The following SAP130 variants were observed in gnomAD, a reference collection of about 807,000 sequenced individuals.
The protein encoded by SAP130 is Sin3A associated protein 130.
SAP130 carries 16 observed loss-of-function variants against 103.2 expected under a neutral mutation model. That is an observed-to-expected ratio of 0.16 (90% confidence interval 0.10 to 0.24). The LOEUF is 0.24. Ranked by LOEUF, SAP130 falls within the 10% of genes least tolerant of loss-of-function variation. SAP130 has a pLI of 1.00. For missense variants in SAP130, 990 were observed against 1,359.7 expected (o/e 0.73, Z 4.28); for synonymous variants, 477 against 497.0 (o/e 0.96, Z 0.53).
Position 127,961,402 on chromosome 2 carries a change from C to T in SAP130, c.2064-6058G>A, listed in dbSNP as rs185336511. ...AGCTCAACTGATCCTCCCATCTTGG[C>T]CTCCCAAAATGCTGAGATTACAAGT... On this transcript the variant is annotated intron_variant, in intron 15 of 20. Transcript: ENST00000643581. Among the ~76,000 whole-genome samples, 50 of 151,884 alleles carry T rather than the reference C, an allele frequency of 3.3e-4. 1 individual carries two copies. The South Asian group carries it at 6.2e-3, about 19-fold the overall frequency.
intron 15 of SAP130, among the ~76,000 whole-genome samples, chr2:127,977,515 A>C (rs912251781): frequency 4.0e-5 from 6 of 151,812 alleles, no homozygotes; most frequent in Non-Finnish European, 7.4e-5. Context: ...CAGAAAAAAC[A>C]AAAATAAATA....
At chr2:127,993,535 A>G (rs1309306389) in intron 11 of SAP130, among the ~76,000 whole-genome samples, 1 of 152,174 alleles carries the variant, frequency 6.6e-6, no homozygotes, top group Non-Finnish European at 1.5e-5. Flanking sequence ...GTAAAAACAT[A>G]GATAATATTC....
intron 1 of SAP130, chr2:128,026,951 C>A (rs909093125): frequency 8.0e-6 from 6 of 746,706 alleles, no homozygotes; most frequent in Non-Finnish European, 1.1e-5. Flanking sequence ...CCCGCAACCC[C>A]ACCCCACCGC....
chr2:127,941,941 AC>A lies in SAP130; in HGVS notation c.*64del. Reference sequence around the variant, plus strand: ...ATGTTCCACTTTGGAAAAAACCAAAACCCTCCCCCCACCCCCACCATCATTC... The same window carrying A: ...ATGTTCCACTTTGGAAAAAACCAAAACCTCCCCCCACCCCCACCATCATTC... On this transcript the variant is annotated 3_prime_UTR_variant, in exon 21 of 21. Transcript: ENST00000643581. 3.6e-6 allele frequency: 1 copy of A among 276,728 alleles called. No homozygotes were observed. The highest frequency in any genetic ancestry group is 6.9e-6 in the Non-Finnish European group (1 of 145,390). 17.1% of individuals were successfully genotyped at this position (276,728 alleles called of 1,614,324 possible).
chr2:127,983,172 C>T (rs1314873881), intron 14 of SAP130, among the ~76,000 whole-genome samples: 1 of 152,200 alleles, frequency 6.6e-6, no homozygotes, highest in Admixed American at 6.5e-5. Context: ...TCTAACTTGA[C>T]TCTGCGCCTC....
rs1278062577 is a variant in SAP130 at position 127,989,102 on chromosome 2, C to CTT, written c.1780+460_1780+461dup. On this transcript the variant is annotated intron_variant, in intron 13 of 20. Coordinates refer to ENST00000643581, the MANE Select transcript of SAP130 (RefSeq NM_001330301.2). The surrounding 1 kb of genome is among the most constrained non-coding windows in gnomAD (Gnocchi z 4.6). ...CTAGGGCTGTTGATGTATACTGTAT[C>CTT]TTTTTTTTTTTTTGGAGACAGAGTC... 2.1e-5 allele frequency among the ~76,000 whole-genome samples: 3 copies of CTT among 143,660 alleles called. No individual in the cohort carries two copies. The highest frequency in any genetic ancestry group is 7.0e-5 in the Admixed American group (1 of 14,360). 94.2% of individuals were successfully genotyped at this position (143,660 alleles called of 152,430 possible).
chr2:128,008,073 G>A (rs1684098561), intron 7 of SAP130, among the ~76,000 whole-genome samples: 1 of 152,102 alleles, frequency 6.6e-6, no homozygotes, highest in African/African-American at 2.4e-5. Flanking sequence ...CCTGCTTTTA[G>A]CTGACAGGTC....
At chr2:128,007,359 T>C (rs1459160289) in intron 7 of SAP130, among the ~76,000 whole-genome samples, 1 of 152,114 alleles carries the variant, frequency 6.6e-6, no homozygotes, top group East Asian at 1.9e-4. Flanking sequence ...TGGGAGGAGG[T>C]GCGTAGGTTA....
At chr2:127,987,645 TAAG>T (rs1682495410) in intron 13 of SAP130, among the ~76,000 whole-genome samples, 1 of 152,114 alleles carries the variant, frequency 6.6e-6, no homozygotes, top group African/African-American at 2.4e-5. Context: ...ATTTTAGAGA[TAAG>T]AAAACTGACA....
intron 15 of SAP130, among the ~76,000 whole-genome samples, chr2:127,964,494 CAAAAAAA>C (rs55755397): frequency 7.2e-5 from 5 of 69,908 alleles, no homozygotes; most frequent in East Asian, 4.1e-4. Flanking sequence ...AACTCCATCT[CAAAAAAA>C]AAAAAAAAAA....
chr2:127,989,805 G>T lies in SAP130; in HGVS notation c.1539C>A (p.Thr513=). The T allele has an allele frequency of 3.1e-6, 5 of 1,614,182 alleles. No homozygotes were observed. The highest frequency in any genetic ancestry group is 4.2e-6 in the Non-Finnish European group (5 of 1,180,030). ...TCAACTGCATGGGGTTTAGGTGGAC[G>T]GTAGACGCTACCCCAACACCAGTCT... The part of the protein sequence containing the change: ...TAQTGVGVAS[T]VHLNPMQLMT... Residue 513 remains threonine, a synonymous_variant, in exon 13 of 21, where the codon ACC becomes ACA. Transcript: ENST00000643581. The surrounding 1 kb of genome is among the most constrained non-coding windows in gnomAD (Gnocchi z 4.6).
chr2:127,951,920 C>G (rs1679520549), intron 16 of SAP130, among the ~76,000 whole-genome samples: 1 of 152,180 alleles, frequency 6.6e-6, no homozygotes, highest in Admixed American at 6.6e-5. Flanking sequence ...GATGCAATCA[C>G]AAGAACATGT....
rs956312676 is a variant in SAP130, at chr2:128,027,940, C to G, written c.-7G>C. On this transcript the variant is annotated splice_region_variant and 5_prime_UTR_variant, in exon 1 of 21. Coordinates refer to ENST00000643581, the MANE Select transcript of SAP130 (RefSeq NM_001330301.2). Reference sequence around the variant, plus strand: ...TCCCGGGCGCCCGTCCCGCCATTACCTGGGTGCTGCGCCCAGTGGCCGCCG... The same window carrying G: ...TCCCGGGCGCCCGTCCCGCCATTACGTGGGTGCTGCGCCCAGTGGCCGCCG... The G allele has an allele frequency of 5.1e-6, 5 of 985,540 alleles. No individual in the cohort carries two copies. Among genetic ancestry groups the G allele is most frequent in the Non-Finnish European group, 6.0e-6 (5 of 830,158 alleles). 61.0% of individuals were successfully genotyped at this position (985,540 alleles called of 1,614,324 possible). A position where few individuals can be genotyped will look rare whatever the true frequency, so the allele number is the denominator to read the frequency against.
At chr2:128,006,628 A>G (rs1269167697) in intron 7 of SAP130, among the ~76,000 whole-genome samples, 1 of 152,200 alleles carries the variant, frequency 6.6e-6, no homozygotes. Flanking sequence ...TTTTAAAATT[A>G]GCCAGGCATG....
intron 7 of SAP130, among the ~76,000 whole-genome samples, chr2:128,003,105 G>A (rs1251997988): frequency 6.6e-6 from 1 of 151,810 alleles, no homozygotes; most frequent in Non-Finnish European, 1.5e-5. Flanking sequence ...CTCCAGCCTG[G>A]GCGACACATG....
intron 13 of SAP130, among the ~76,000 whole-genome samples, chr2:127,987,411 C>T (rs888896847): frequency 1.3e-5 from 2 of 152,136 alleles, no homozygotes; most frequent in Non-Finnish European, 2.9e-5. Context: ...GTCTCGAATT[C>T]CTGACCTTAA....
rs1384303671 is a variant in SAP130 at position 128,017,791 on chromosome 2, C to G, written c.237G>C (p.Gln79His). The G allele has an allele frequency of 6.2e-7, 1 of 1,614,210 alleles. No individual in the cohort carries two copies. Among genetic ancestry groups the G allele is most frequent in the East Asian group, 2.2e-5 (1 of 44,888 alleles). Residue 79 changes from glutamine to histidine, a missense_variant, in exon 3 of 21, where the codon CAG becomes CAC. Gln to His is a conservative substitution (Grantham distance 24). This residue lies in a region of SAP130 where 167 missense variants were observed against 187.4 expected (regional missense o/e 0.89). Transcript: ENST00000643581. ...CGACAGCATGGTGTGTCGACAACAT[C>G]TGCACCTGTGGATAGGGCCTTACCA... ...PVVVRPYPQV[Q>H]MLSTHHAVAS... is the part of the protein sequence containing the mutation.
chr2:127,969,111 G>A (rs563817629), intron 15 of SAP130, among the ~76,000 whole-genome samples: 1 of 152,290 alleles, frequency 6.6e-6, no homozygotes, highest in Admixed American at 6.5e-5. Flanking sequence ...TCCAACTGGG[G>A]CCAATTTCAA....
chr2:127,979,384 G>C (rs1483514299), intron 14 of SAP130, among the ~76,000 whole-genome samples: 1 of 152,140 alleles, frequency 6.6e-6, no homozygotes, highest in East Asian at 1.9e-4. Context: ...ATTTATGGTA[G>C]TTTGTTACAG....
Sources: gnomAD v4.1 joint callset for allele counts (sites outside exome capture counted in the v4.1 genomes callset) on GRCh38, gnomAD v4.1.1 for gene constraint, gnomAD v4.1.1 regional missense constraint, Gnocchi (gnomAD v3.1) non-coding constraint, MANE v1.5 for transcripts, NCBI Gene and HGNC (gene_info 2026-07-23, HGNC 2026-07-21) for gene names.